AMBRA1: variants seen among roughly 807,000 people sequenced by gnomAD.
AMBRA1 encodes autophagy and beclin 1 regulator 1.
AMBRA1 carries 47 observed loss-of-function variants against 125.4 expected under a neutral mutation model. The ratio of observed to expected loss-of-function variants is 0.37; its 90% CI spans 0.30 to 0.48. AMBRA1 has a LOEUF of 0.48. Among genes scored for constraint, AMBRA1 ranks in the 20% least tolerant of loss-of-function variants. The pLI is 0.99. For missense variants in AMBRA1, 1,331 were observed against 1,693.4 expected, an observed-to-expected ratio of 0.79 and a Z score of 3.76; for synonymous variants, 626 against 655.5, an observed-to-expected ratio of 0.95 and a Z score of 0.69.
chr11:46,519,120 C>T (rs542602932), intron 7 of AMBRA1, among the ~76,000 whole-genome samples: 1 of 152,306 alleles, frequency 6.6e-6, no homozygotes, highest in East Asian at 1.9e-4. Context: ...GCTTCCTGTG[C>T]TTAAGCAATT....
At chr11:46,433,394 G>A (rs544719817) in intron 14 of AMBRA1, 80 bp downstream of exon 14, 1 of 1,521,238 alleles carries the variant, frequency 6.6e-7, no homozygotes, top group Non-Finnish European at 8.9e-7. Context: ...CTGGCTGGGA[G>A]GTCACACCAC....
At chr11:46,447,135 A>G (rs1041804241) in intron 11 of AMBRA1, among the ~76,000 whole-genome samples, 6 of 152,264 alleles carry the variant, frequency 3.9e-5, no homozygotes, top group Admixed American at 1.3e-4. Context: ...GTGGTCGGGC[A>G]TGGTGGCTCA....
chr11:46,590,337 CA>C (rs893824261), intron 1 of AMBRA1, among the ~76,000 whole-genome samples: 60 of 147,972 alleles, frequency 4.1e-4, no homozygotes, highest in African/African-American at 1.4e-3. Context: ...GACTCCATCT[CA>C]AAAAAAAAAT....
intron 8 of AMBRA1, among the ~76,000 whole-genome samples, chr11:46,508,603 C>T (rs780730789): frequency 6.6e-6 from 1 of 152,234 alleles, no homozygotes; most frequent in Non-Finnish European, 1.5e-5. Context: ...CTTAACCAGA[C>T]ATCTTCTGAG....
intron 14 of AMBRA1, among the ~76,000 whole-genome samples, chr11:46,432,704 C>T (rs1947512852): frequency 6.6e-6 from 1 of 152,208 alleles, no homozygotes; most frequent in East Asian, 1.9e-4. Context: ...CCAACAAGTA[C>T]ATCCAACTAT....
intron 1 of AMBRA1, among the ~76,000 whole-genome samples, chr11:46,591,667 C>T (rs1015627935): frequency 6.6e-6 from 1 of 151,750 alleles, no homozygotes; most frequent in Non-Finnish European, 1.5e-5. Flanking sequence ...CCAGCCTGGC[C>T]GAGATGGTAA....
chr11:46,592,205 G>T (rs896343992), intron 1 of AMBRA1, among the ~76,000 whole-genome samples: 1 of 151,874 alleles, frequency 6.6e-6, no homozygotes, highest in Admixed American at 6.6e-5. Context: ...AAAGTGCTGG[G>T]ATTACAGGAG....
At position 46,427,262 on chromosome 11, in the gene AMBRA1, A is replaced by G. The variant is rs76335951; in HGVS notation, c.2976+6212T>C. Among the ~76,000 whole-genome samples, 106 of 152,294 alleles carry G rather than the reference A, an allele frequency of 7.0e-4. 2 individuals carry two copies. In the East Asian group the frequency reaches 0.02, roughly 29 times the overall value. On this transcript the variant is annotated intron_variant, in intron 14 of 17. Transcript: ENST00000683756. Reference sequence around the variant, plus strand: ...TAAGCCACAACTATAGTTACCACTAATTTGAGAAGTCTGGATCCCAAGTTT... The same window carrying G: ...TAAGCCACAACTATAGTTACCACTAGTTTGAGAAGTCTGGATCCCAAGTTT...
intron 11 of AMBRA1, among the ~76,000 whole-genome samples, chr11:46,449,478 A>C (rs1948468364): frequency 6.6e-6 from 1 of 152,242 alleles, no homozygotes; most frequent in Non-Finnish European, 1.5e-5. Flanking sequence ...AAATATGTAC[A>C]AGGTCTATAG....
chr11:46,555,164 G>A (rs2135217988), intron 1 of AMBRA1, among the ~76,000 whole-genome samples: 1 of 152,244 alleles, frequency 6.6e-6, no homozygotes, highest in South Asian at 2.1e-4. Flanking sequence ...ACATGACTGA[G>A]TACTCTCCAA....
chr11:46,549,620 A>T (rs926150525), intron 1 of AMBRA1, among the ~76,000 whole-genome samples: 2 of 152,142 alleles, frequency 1.3e-5, no homozygotes, highest in African/African-American at 4.8e-5. Context: ...TTATCATCTA[A>T]TACTTCAATT....
At chr11:46,512,652 G>C in intron 8 of AMBRA1, 75 bp downstream of exon 8, 7 of 1,187,604 alleles carry the variant, frequency 5.9e-6, no homozygotes, top group Non-Finnish European at 8.6e-6. Context: ...GGCACAGAAC[G>C]GAGCTTCCAA....
At position 46,545,693 on chromosome 11, in the gene AMBRA1, A is replaced by C; in HGVS notation, c.462T>G (p.Ile154Met). Residue 154 changes from isoleucine to methionine, a missense_variant, in exon 5 of 18, where the codon ATT (isoleucine) becomes ATG (methionine). Physicochemically the swap from Ile to Met is conservative, Grantham distance 10. Coordinates refer to ENST00000683756, the MANE Select transcript of AMBRA1 (RefSeq NM_001387011.1). ...AGAAGTGGATCTCATTGGCAGTGGC[A>C]ATCAGCAGGAGCTGAGCCGTAGGGT... ...AFHPTAQLLL[I>M]ATANEIHFWD... is the part of the protein sequence containing the mutation. The C allele has an allele frequency of 6.2e-7, 1 of 1,614,194 alleles. No individual in the cohort carries two copies. Among genetic ancestry groups the C allele is most frequent in the East Asian group, 2.2e-5 (1 of 44,884 alleles).
intron 12 of AMBRA1, among the ~76,000 whole-genome samples, chr11:46,440,126 T>C (rs1393225393): frequency 6.6e-6 from 1 of 152,170 alleles, no homozygotes; most frequent in African/African-American, 2.4e-5. Context: ...TACCTGCATA[T>C]GTGCAAAATG....
intron 12 of AMBRA1, 90 bp from the exon 13 acceptor site, chr11:46,435,127 A>G (rs1947660241): frequency 8.4e-7 from 1 of 1,189,412 alleles, no homozygotes; most frequent in Non-Finnish European, 1.2e-6. Flanking sequence ...GGGACTTCCT[A>G]AGGGCCTGAA....
intron 1 of AMBRA1, among the ~76,000 whole-genome samples, chr11:46,581,797 CAAAAAAA>C (rs1162857231): frequency 2.9e-4 from 20 of 69,954 alleles, no homozygotes; most frequent in East Asian, 1.4e-3. Flanking sequence ...AAAACTCCAT[CAAAAAAA>C]AAAAAAAAAA....
intron 14 of AMBRA1, among the ~76,000 whole-genome samples, chr11:46,418,473 C>CA (rs1422029735): frequency 6.6e-6 from 1 of 150,688 alleles, no homozygotes; most frequent in Non-Finnish European, 1.5e-5. Context: ...CATATGTATA[C>CA]ACGTGCCACG....
intron 1 of AMBRA1, among the ~76,000 whole-genome samples, chr11:46,574,814 T>C (rs1480418026): frequency 6.6e-6 from 1 of 152,226 alleles, no homozygotes; most frequent in African/African-American, 2.4e-5. Flanking sequence ...ATTTGCCAGC[T>C]GTATAACCTT....
intron 11 of AMBRA1, among the ~76,000 whole-genome samples, chr11:46,469,092 G>A (rs948698396): frequency 6.6e-6 from 1 of 152,168 alleles, no homozygotes; most frequent in African/African-American, 2.4e-5. Flanking sequence ...GCAGTGAGCC[G>A]AAATCACGCC....
Sources: allele counts gnomAD v4.1 joint callset (sites outside exome capture counted in the v4.1 genomes callset), GRCh38; gene constraint gnomAD v4.1.1; transcripts MANE v1.5; gene names NCBI Gene and HGNC (gene_info 2026-07-23, HGNC 2026-07-21).